The following MYO3A variants were observed in gnomAD, a reference collection of about 807,000 sequenced individuals.
MYO3A encodes myosin-IIIa.
A neutral mutation model predicts 192.7 loss-of-function variants in MYO3A; 180 were observed. The observed-to-expected ratio is 0.93, with a 90% confidence interval of 0.83 to 1.06. MYO3A has a LOEUF of 1.06. MYO3A is among the 50% of genes least tolerant of loss of function. The pLI, the probability that MYO3A is intolerant of heterozygous loss-of-function variation, is 0.00. For missense variants in MYO3A, 1,896 were observed against 1,905.0 expected, an observed-to-expected ratio of 1.00 and a Z score of 0.09; for synonymous variants, 628 against 645.3, an observed-to-expected ratio of 0.97 and a Z score of 0.41.
intron 32 of MYO3A, among the ~76,000 whole-genome samples, chr10:26,196,048 C>T (rs1450680310): frequency 6.6e-6 from 1 of 152,194 alleles, no homozygotes; most frequent in African/African-American, 2.4e-5. Context: ...GTTTGACAGT[C>T]ACTTTATATA....
intron 15 of MYO3A, among the ~76,000 whole-genome samples, chr10:26,090,155 C>G (rs188243424): frequency 6.6e-6 from 1 of 152,296 alleles, no homozygotes; most frequent in East Asian, 1.9e-4. Context: ...TCAGGCCCTT[C>G]AGGAAGAACT....
chr10:26,052,346 A>G (rs1844053967), intron 10 of MYO3A, among the ~76,000 whole-genome samples: 1 of 152,190 alleles, frequency 6.6e-6, no homozygotes. Flanking sequence ...AGTCTCCAGG[A>G]ATGAAGAGGG....
intron 7 of MYO3A, among the ~76,000 whole-genome samples, chr10:26,020,097 G>T (rs1203528249): frequency 1.3e-5 from 2 of 151,936 alleles, no homozygotes; most frequent in Non-Finnish European, 2.9e-5. Context: ...ATTTATTATT[G>T]TCCTTCAGGT....
chr10:26,051,000 A>G (rs75427261), intron 10 of MYO3A, among the ~76,000 whole-genome samples: 9,273 of 152,294 alleles, frequency 0.061, 369 homozygotes, highest in Non-Finnish European at 0.088. Context: ...AGAGTGTAAC[A>G]TATCTTTTCT....
At chr10:26,001,219 T>C (rs1276315117) in intron 6 of MYO3A, among the ~76,000 whole-genome samples, 1 of 152,218 alleles carries the variant, frequency 6.6e-6, no homozygotes, top group East Asian at 1.9e-4. Flanking sequence ...CATTCCTGTC[T>C]GCGGTGAGCC....
Position 26,021,536 on chromosome 10 carries a change from T to C in MYO3A, c.619T>C (p.Tyr207His). The C allele has an allele frequency of 6.2e-7, 1 of 1,614,184 alleles. No individual in the cohort carries two copies. The highest frequency in any genetic ancestry group is 8.5e-7 in the Non-Finnish European group (1 of 1,179,994). ...IACEQQLDTT[Y>H]DARCDTWSLG... Reference sequence around the variant, plus strand: ...ATGTGAACAGCAATTGGATACCACTTATGACGCCAGATGTGACACTTGGTC... The same window carrying C: ...ATGTGAACAGCAATTGGATACCACTCATGACGCCAGATGTGACACTTGGTC... Residue 207 changes from tyrosine to histidine, a missense_variant, in exon 8 of 35, where the codon TAT becomes CAT. Transcript: ENST00000642920.
intron 14 of MYO3A, among the ~76,000 whole-genome samples, chr10:26,076,323 T>C (rs1310257071): frequency 6.6e-6 from 1 of 152,214 alleles, no homozygotes; most frequent in Non-Finnish European, 1.5e-5. Flanking sequence ...TTCATGTCCT[T>C]AACCCACTTT....
chr10:26,025,439 C>T (rs1842496867), intron 9 of MYO3A, among the ~76,000 whole-genome samples: 1 of 151,996 alleles, frequency 6.6e-6, no homozygotes, highest in Non-Finnish European at 1.5e-5. Context: ...AGTTTATATC[C>T]AGAGGTTAAA....
intron 26 of MYO3A, among the ~76,000 whole-genome samples, chr10:26,159,012 T>G (rs1841320516): frequency 6.6e-6 from 1 of 150,930 alleles, no homozygotes; most frequent in South Asian, 2.1e-4. Flanking sequence ...TCTGCTAATT[T>G]TTTTTTTTTT....
chr10:26,020,275 T>C (rs1842235091), intron 7 of MYO3A, among the ~76,000 whole-genome samples: 3 of 152,216 alleles, frequency 2.0e-5, no homozygotes, highest in Admixed American at 2.0e-4. Context: ...TGTTTATCAT[T>C]GCCTTCTTTT....
chr10:26,027,823 T>C (rs937540686), intron 10 of MYO3A, among the ~76,000 whole-genome samples: 2 of 152,320 alleles, frequency 1.3e-5, no homozygotes, highest in East Asian at 3.9e-4. Context: ...AATAATCCCA[T>C]ACATTTTGGT....
intron 4 of MYO3A, among the ~76,000 whole-genome samples, chr10:25,965,930 G>A (rs945433765): frequency 1.3e-5 from 2 of 151,162 alleles, no homozygotes; most frequent in African/African-American, 4.9e-5. Flanking sequence ...GGAAGGGGTG[G>A]TATAGGTGAT....
At chr10:25,990,427 G>A (rs1334561512) in intron 4 of MYO3A, among the ~76,000 whole-genome samples, 1 of 151,632 alleles carries the variant, frequency 6.6e-6, no homozygotes, top group Non-Finnish European at 1.5e-5. Flanking sequence ...ATGCTTTTAA[G>A]CCCTAGATCC....
intron 10 of MYO3A, among the ~76,000 whole-genome samples, chr10:26,034,528 C>T (rs1040326037): frequency 2.0e-5 from 3 of 152,058 alleles, no homozygotes; most frequent in African/African-American, 4.8e-5. Flanking sequence ...AGGAGAGCAC[C>T]GTTCTGAAAA....
chr10:26,198,771 C>T (rs996092018), intron 32 of MYO3A, among the ~76,000 whole-genome samples: 2 of 152,214 alleles, frequency 1.3e-5, no homozygotes, highest in Admixed American at 1.3e-4. Flanking sequence ...AAGGCCTCCT[C>T]AAGAAACACC....
chr10:26,208,280 G>A (rs147269213), intron 34 of MYO3A, among the ~76,000 whole-genome samples: 146 of 152,264 alleles, frequency 9.6e-4, no homozygotes, highest in African/African-American at 3.4e-3. Context: ...ATGATCAATG[G>A]AGGATAAAAA....
Position 26,157,299 on chromosome 10 carries a change from G to A in MYO3A, c.2794-11G>A, listed in dbSNP as rs752888743. ...CTACATTGGGAAATTTATTTTTGTTGTGTATTATAGTATTCCCTGATGGAT... is the reference window on the plus strand; with the variant it reads ...CTACATTGGGAAATTTATTTTTGTTATGTATTATAGTATTCCCTGATGGAT... On this transcript the variant is annotated splice_polypyrimidine_tract_variant and intron_variant, in intron 25 of 34. Transcript: ENST00000642920. 2.5e-6 allele frequency: 4 copies of A among 1,612,704 alleles called. No individual in the cohort carries two copies. In the East Asian group the frequency reaches 8.9e-5, roughly 36 times the overall value.
Position 26,176,656 on chromosome 10 carries a change from G to GT in MYO3A, c.4294-44dup, listed in dbSNP as rs748079703. ...GCCCCCGGTGCCTGCAGAACTCTCT[G>GT]TATTCTTTTCCTTGATTTAACCTGA... is the stretch of plus-strand genomic sequence containing the variant. On this transcript the variant is annotated intron_variant, in intron 30 of 34. Transcript: ENST00000642920. The GT allele has an allele frequency of 3.8e-6, 6 of 1,569,450 alleles. No homozygotes were observed. The South Asian group carries it at 5.6e-5, about 15-fold the overall frequency.
chr10:26,078,375 T>G (rs1281307239), intron 14 of MYO3A, among the ~76,000 whole-genome samples: 2 of 152,068 alleles, frequency 1.3e-5, no homozygotes, highest in Non-Finnish European at 2.9e-5. Flanking sequence ...AATGAGGTTA[T>G]TTGAATTTTT....
Sources: allele counts gnomAD v4.1 joint callset (sites outside exome capture counted in the v4.1 genomes callset), GRCh38; gene constraint gnomAD v4.1.1; transcripts MANE v1.5; gene names NCBI Gene and HGNC (gene_info 2026-07-23, HGNC 2026-07-21).